The following C2CD5 variants were observed in gnomAD, a reference collection of about 807,000 sequenced individuals.
C2CD5 encodes C2 domain-containing protein 5.
C2CD5 carries 109 observed loss-of-function variants against 130.3 expected under a neutral mutation model. The ratio of observed to expected loss-of-function variants is 0.84; its 90% CI spans 0.72 to 0.98. The LOEUF (loss-of-function observed/expected upper bound fraction) is 0.98, where lower values mean the gene tolerates loss of function less well. Ranked by LOEUF, C2CD5 falls within the 50% of genes least tolerant of loss-of-function variation. The probability of loss-of-function intolerance (pLI) is 0.00; values close to 1 mark genes in which losing one functional copy is unlikely to be tolerated. For missense variants in C2CD5, 996 were observed against 1,261.8 expected (o/e 0.79, Z 3.19); for synonymous variants, 454 against 429.2 (o/e 1.06, Z -0.71).
chr12:22,497,580 T>C, intron 10 of C2CD5: 1 of 956,322 alleles, frequency 1.0e-6, no homozygotes, highest in Non-Finnish European at 1.2e-6. Flanking sequence ...CCCAAATACC[T>C]GAAAGTAACA....
At chr12:22,512,710 A>AAAG in intron 9 of C2CD5, 8 of 1,432,752 alleles carry the variant, frequency 5.6e-6, no homozygotes, top group Admixed American at 2.5e-5. Flanking sequence ...AAAAAAAAAA[A>AAAG]AGAGAGAGAG....
intron 10 of C2CD5, among the ~76,000 whole-genome samples, chr12:22,502,165 T>G (rs1271131380): frequency 6.6e-6 from 1 of 152,072 alleles, no homozygotes; most frequent in Non-Finnish European, 1.5e-5. Context: ...TTTTTAAAAA[T>G]TATATTCACA....
chr12:22,530,592 G>A (rs1951185634), intron 3 of C2CD5, among the ~76,000 whole-genome samples: 1 of 151,592 alleles, frequency 6.6e-6, no homozygotes, highest in Non-Finnish European at 1.5e-5. Context: ...CACATAGCTG[G>A]GATTACAGGT....
intron 25 of C2CD5, among the ~76,000 whole-genome samples, chr12:22,455,603 A>T (rs1331401707): frequency 6.6e-6 from 1 of 152,214 alleles, no homozygotes; most frequent in Non-Finnish European, 1.5e-5. Context: ...ATCTATTTTA[A>T]TTCTCTATCC....
At chr12:22,540,688 G>A (rs568894669) in intron 2 of C2CD5, among the ~76,000 whole-genome samples, 6 of 152,168 alleles carry the variant, frequency 3.9e-5, no homozygotes, top group East Asian at 3.9e-4. Context: ...GCGAAACCCC[G>A]TCGCTACTAA....
chr12:22,525,566 C>G, intron 5 of C2CD5, 44 bp downstream of exon 5: 1 of 900,332 alleles, frequency 1.1e-6, no homozygotes, highest in Non-Finnish European at 1.9e-6. Flanking sequence ...TCATATTTAA[C>G]AGTTATTACA....
chr12:22,483,729 T>C (rs567408616), intron 13 of C2CD5, among the ~76,000 whole-genome samples: 1 of 152,172 alleles, frequency 6.6e-6, no homozygotes, highest in African/African-American at 2.4e-5. Context: ...GTAATAAATT[T>C]GATGTGGGGA....
intron 22 of C2CD5, among the ~76,000 whole-genome samples, chr12:22,461,967 G>A (rs1197781744): frequency 6.7e-6 from 1 of 149,782 alleles, no homozygotes; most frequent in Non-Finnish European, 1.5e-5. Flanking sequence ...ATCAGCACCT[G>A]GACTGGTTTG....
chr12:22,456,729 T>C (rs1939943319), intron 25 of C2CD5, among the ~76,000 whole-genome samples: 1 of 152,210 alleles, frequency 6.6e-6, no homozygotes, highest in Admixed American at 6.5e-5. Context: ...ACACAGATAT[T>C]TGTTTTATTT....
Position 22,544,050 on chromosome 12 carries a change from C to A in C2CD5, c.90+11G>T, listed in dbSNP as rs1180299010. 1 of 1,602,778 alleles carries A rather than the reference C, an allele frequency of 6.2e-7. No homozygotes were observed. Among genetic ancestry groups the A allele is most frequent in the East Asian group, 2.2e-5 (1 of 44,716 alleles). On this transcript the variant is annotated intron_variant, in intron 2 of 26. Transcript: ENST00000446597. ...CTCCCTGTGTTTTGAGGGGCAGGAC[C>A]CTGCACCAACCTCCACGAAGGCATC...
At chr12:22,519,230 C>T in intron 7 of C2CD5, 1 of 1,535,614 alleles carries the variant, frequency 6.5e-7, no homozygotes, top group Non-Finnish European at 8.7e-7. Context: ...GAGGATGAAC[C>T]AGCGGAGACC....
At chr12:22,506,861 A>G in intron 9 of C2CD5, 42 bp from the exon 10 acceptor site, 1 of 1,234,378 alleles carries the variant, frequency 8.1e-7, no homozygotes, top group Middle Eastern at 1.9e-4. Context: ...TATCGTGTGT[A>G]GAGTGTAAAA....
At position 22,544,415 on chromosome 12, in the gene C2CD5, GC is replaced by G. The variant is rs1290317266; in HGVS notation, c.-126del. ...GGCTTTGATGGGTTCTTCCGTCCCG[GC>G]CCCACAAGGCTGGGACGAAAAGCAA... On this transcript the variant is annotated 5_prime_UTR_variant, in exon 1 of 27. It introduces an in-frame stop codon into an upstream open reading frame of the 5' UTR. Transcript: ENST00000446597. The G allele has an allele frequency of 8.7e-6, 3 of 345,454 alleles. No individual in the cohort carries two copies. The highest frequency in any genetic ancestry group is 1.6e-5 in the Non-Finnish European group (3 of 191,630). 21.4% of individuals were successfully genotyped at this position (345,454 alleles called of 1,614,324 possible). A position where few individuals can be genotyped will look rare whatever the true frequency, so the allele number is the denominator to read the frequency against.
chr12:22,464,609 T>C, intron 22 of C2CD5, among the ~76,000 whole-genome samples: 1 of 152,164 alleles, frequency 6.6e-6, no homozygotes. Context: ...TTCCTCTAGT[T>C]AGTTTCTGTT....
At chr12:22,505,247 T>C (rs1591887379) in intron 10 of C2CD5, among the ~76,000 whole-genome samples, 1 of 146,598 alleles carries the variant, frequency 6.8e-6, no homozygotes, top group Non-Finnish European at 1.5e-5. Context: ...TTTACCCTTC[T>C]TTCTTTCTTT....
intron 26 of C2CD5, among the ~76,000 whole-genome samples, chr12:22,453,253 T>C (rs551218139): frequency 5.3e-5 from 8 of 152,158 alleles, no homozygotes; most frequent in Non-Finnish European, 1.2e-4. Context: ...TACAGCTTCA[T>C]GCATTCATCA....
intron 7 of C2CD5, among the ~76,000 whole-genome samples, chr12:22,521,803 A>C (rs985941188): frequency 6.6e-6 from 1 of 152,242 alleles, no homozygotes; most frequent in Admixed American, 6.5e-5. Context: ...ACTAATGGCC[A>C]GCAGAAATAA....
chr12:22,468,465 G>A (rs559334636), intron 22 of C2CD5, among the ~76,000 whole-genome samples: 7 of 152,204 alleles, frequency 4.6e-5, no homozygotes, highest in East Asian at 1.9e-4. Context: ...CGATCTTCTC[G>A]CCTCAGCCTC....
Position 22,482,743 on chromosome 12 carries a change from C to A in C2CD5, c.1551G>T (p.Arg517Ser). The change falls in exon 14 of 27, where the codon AGG becomes AGT. Residue 517 changes from arginine (R) to serine (S), a missense_variant and splice_region_variant. Around this residue, in one of 9 missense-constraint regions of C2CD5, gnomAD observed 590 missense variants for 631.4 expected, o/e 0.93. Transcript: ENST00000446597. The part of the protein sequence containing the change: ...VIGKGCLIQA[R>S]LCRLKKKAQA... ...GTGCTTTCTTTTTTAAGCGACATAA[C>A]CTGTAAAGGAAAATAAGTCAGTGAA... 1 of 1,611,062 alleles carries A rather than the reference C, an allele frequency of 6.2e-7. No homozygotes were observed. The highest frequency in any genetic ancestry group is 8.5e-7 in the Non-Finnish European group (1 of 1,177,818).
Sources: gnomAD v4.1 joint callset for allele counts (sites outside exome capture counted in the v4.1 genomes callset) on GRCh38, gnomAD v4.1.1 for gene constraint, gnomAD v4.1.1 regional missense constraint, MANE v1.5 for transcripts, NCBI Gene and HGNC (gene_info 2026-07-23, HGNC 2026-07-21) for gene names.